Variants in PCCA observed in about 807,000 individuals in gnomAD.
PCCA encodes the protein propionyl-CoA carboxylase subunit alpha, also known as propionyl-CoA carboxylase alpha chain, mitochondrial.
PCCA carries 74 observed loss-of-function variants against 101.3 expected under a neutral mutation model. That is an observed-to-expected ratio of 0.73 (90% CI 0.61 to 0.89). The LOEUF is 0.89. Ranked by LOEUF, PCCA falls within the 40% of genes least tolerant of loss-of-function variation. PCCA has a pLI of 0.00. For synonymous variants in PCCA, 294 were observed against 313.6 expected, an observed-to-expected ratio of 0.94 and a Z score of 0.66; for missense variants, 891 against 907.0, an observed-to-expected ratio of 0.98 and a Z score of 0.23.
intron 19 of PCCA, among the ~76,000 whole-genome samples, chr13:100,374,437 T>A (rs1215975663): frequency 6.6e-6 from 1 of 152,176 alleles, no homozygotes; most frequent in Non-Finnish European, 1.5e-5. Context: ...GTTTTCCATT[T>A]CTGTCTTGCT....
intron 6 of PCCA, among the ~76,000 whole-genome samples, chr13:100,186,618 T>C (rs1221429262): frequency 1.3e-5 from 2 of 151,738 alleles, no homozygotes; most frequent in East Asian, 1.9e-4. Context: ...GGCACGTGCC[T>C]GTAGTCCCAG....
At chr13:100,317,576 C>G (rs1484556429) in intron 16 of PCCA, among the ~76,000 whole-genome samples, 1 of 152,106 alleles carries the variant, frequency 6.6e-6, no homozygotes, top group Non-Finnish European at 1.5e-5. Flanking sequence ...GCTCATCTCC[C>G]CATTCTTTGT....
chr13:100,345,638 A>AG (rs886142834), intron 18 of PCCA, among the ~76,000 whole-genome samples: 1 of 152,250 alleles, frequency 6.6e-6, no homozygotes, highest in African/African-American at 2.4e-5. Flanking sequence ...TCATCGATGA[A>AG]GGTGGCTACA....
intron 2 of PCCA, among the ~76,000 whole-genome samples, chr13:100,103,681 G>A (rs888964049): frequency 2.0e-5 from 3 of 151,532 alleles, no homozygotes; most frequent in Non-Finnish European, 4.4e-5. Context: ...TTTTGCCCAG[G>A]CTGGAGTACA....
chr13:100,478,369 C>A (rs994798725), intron 21 of PCCA, among the ~76,000 whole-genome samples: 1 of 152,204 alleles, frequency 6.6e-6, no homozygotes, highest in Admixed American at 6.5e-5. Context: ...CTGGGATCAG[C>A]CTGCTCTGGC....
intron 4 of PCCA, among the ~76,000 whole-genome samples, chr13:100,113,136 C>G (rs775319741): frequency 1.3e-5 from 2 of 152,152 alleles, no homozygotes; most frequent in Non-Finnish European, 2.9e-5. Context: ...AATGTACTTA[C>G]ACAAACCTTG....
At chr13:100,337,169 G>T (rs1459758824) in intron 17 of PCCA, among the ~76,000 whole-genome samples, 7 of 152,162 alleles carry the variant, frequency 4.6e-5, no homozygotes, top group Non-Finnish European at 1.0e-4. Context: ...AACAGAAAAA[G>T]GAGCTGCCCT....
chr13:100,265,572 C>T (rs1595014682), intron 10 of PCCA, among the ~76,000 whole-genome samples: 2 of 152,258 alleles, frequency 1.3e-5, no homozygotes, highest in East Asian at 3.9e-4. Context: ...ACACCTACGC[C>T]TACACCCACC....
intron 21 of PCCA, chr13:100,491,353 G>T (rs544466945): frequency 5.3e-6 from 1 of 187,030 alleles, no homozygotes; most frequent in African/African-American, 2.4e-5. Context: ...GTGTCATTGT[G>T]TAACTTTAAT....
At chr13:100,377,439 A>T (rs1249689176) in intron 19 of PCCA, among the ~76,000 whole-genome samples, 1 of 152,122 alleles carries the variant, frequency 6.6e-6, no homozygotes, top group African/African-American at 2.4e-5. Flanking sequence ...TCTTGCAGGC[A>T]GCATATATTT....
intron 6 of PCCA, among the ~76,000 whole-genome samples, chr13:100,201,919 G>T (rs2058535884): frequency 6.8e-6 from 1 of 147,080 alleles, no homozygotes; most frequent in South Asian, 2.2e-4. Flanking sequence ...GGCCAGATTT[G>T]GCCTACACAC....
intron 12 of PCCA, among the ~76,000 whole-genome samples, chr13:100,289,161 A>AT (rs1335023080): frequency 6.6e-6 from 1 of 152,072 alleles, no homozygotes; most frequent in African/African-American, 2.4e-5. Flanking sequence ...TTATGTGGCT[A>AT]TTTTCTTGCC....
intron 6 of PCCA, among the ~76,000 whole-genome samples, chr13:100,167,471 G>A (rs537870985): frequency 3.9e-5 from 6 of 152,180 alleles, no homozygotes; most frequent in Admixed American, 3.3e-4. Context: ...GATCACTTGA[G>A]CCTTGGAGTT....
At chr13:100,295,586 A>G (rs1176230612) in intron 12 of PCCA, among the ~76,000 whole-genome samples, 3 of 152,240 alleles carry the variant, frequency 2.0e-5, no homozygotes, top group Admixed American at 1.3e-4. Context: ...TGCCTTCTCT[A>G]TTAAATGACA....
chr13:100,291,690 A>AT (rs754447023), intron 12 of PCCA, among the ~76,000 whole-genome samples: 5 of 152,222 alleles, frequency 3.3e-5, no homozygotes, highest in Non-Finnish European at 7.3e-5. Flanking sequence ...AGACATGACC[A>AT]TATCTACTCC....
intron 5 of PCCA, among the ~76,000 whole-genome samples, chr13:100,156,028 ATTC>A (rs2053848285): frequency 6.6e-6 from 1 of 152,190 alleles, no homozygotes; most frequent in Non-Finnish European, 1.5e-5. Context: ...AGTAGTTTAA[ATTC>A]TTCTGTACCA....
At chr13:100,429,635 C>G (rs1397389308) in intron 20 of PCCA, among the ~76,000 whole-genome samples, 2 of 151,814 alleles carry the variant, frequency 1.3e-5, no homozygotes, top group Non-Finnish European at 2.9e-5. Flanking sequence ...GAGACACAGC[C>G]TCCCTCTGTT....
chr13:100,187,656 G>A (rs1284024120), intron 6 of PCCA, among the ~76,000 whole-genome samples: 1 of 152,008 alleles, frequency 6.6e-6, no homozygotes, highest in Non-Finnish European at 1.5e-5. Context: ...TCTCAGTACT[G>A]TAAGGTTCTT....
rs2086168960 is a variant in PCCA, at chr13:100,507,477, T to A, written c.1900-7950T>A. On this transcript the variant is annotated intron_variant, in intron 21 of 23. Transcript: ENST00000376285. ...CTGCCCATCAGAGACCACCTCGGAA[T>A]TCTTAGAAGACTAGGAATGGGGCAG... Among the ~76,000 whole-genome samples the A allele has an allele frequency of 2.0e-5, 3 of 152,274 alleles. No individual in the cohort carries two copies. In the South Asian group the frequency reaches 6.2e-4, roughly 32 times the overall value.
Sources: gnomAD v4.1 joint callset for allele counts (sites outside exome capture counted in the v4.1 genomes callset) on GRCh38, gnomAD v4.1.1 for gene constraint, MANE v1.5 for transcripts, NCBI Gene and HGNC (gene_info 2026-07-23, HGNC 2026-07-21) for gene names.